The following VPS8 variants were observed in gnomAD, a reference collection of about 807,000 sequenced individuals.
VPS8 encodes VPS8 subunit of CORVET complex.
Under a neutral mutation model 216.4 loss-of-function variants are expected in VPS8, and 129 were observed. The observed-to-expected ratio is 0.60, with a 90% CI of 0.52 to 0.69. The LOEUF (loss-of-function observed/expected upper bound fraction) is 0.69. VPS8 is among the 30% of genes least tolerant of loss of function. The pLI is 0.00. For missense variants in VPS8, 1,531 were observed against 1,683.5 expected (o/e 0.91, Z 1.59); for synonymous variants, 571 against 565.4 (o/e 1.01, Z -0.14).
At chr3:184,965,239 C>T (rs1025520027) in intron 38 of VPS8, among the ~76,000 whole-genome samples, 3 of 152,272 alleles carry the variant, frequency 2.0e-5, no homozygotes, top group Admixed American at 6.5e-5. Flanking sequence ...ATTGGCTTCT[C>T]GTTTCTTTCT....
intron 45 of VPS8, among the ~76,000 whole-genome samples, chr3:185,023,710 G>A (rs1439554786): frequency 1.3e-5 from 2 of 152,012 alleles, no homozygotes; most frequent in African/African-American, 4.8e-5. Context: ...ATGGCATATT[G>A]TCGCCATCCT....
intron 8 of VPS8, among the ~76,000 whole-genome samples, chr3:184,843,700 T>C (rs1054946467): frequency 1.3e-5 from 2 of 152,234 alleles, no homozygotes; most frequent in African/African-American, 2.4e-5. Flanking sequence ...TTTCCTGTTA[T>C]ATTATGAACA....
chr3:184,989,197 A>T lies in VPS8; in HGVS notation c.3586-4786A>T, dbSNP rs1303837704. On this transcript the variant is annotated intron_variant, in intron 42 of 47. Coordinates refer to ENST00000625842, the MANE Select transcript of VPS8 (RefSeq NM_001009921.3). ...TTATCTTTGCCTTATTTTCTGTCTTAGAAGAAAGGCAGTTTCTCACCATTA... is the reference window on the plus strand; with the variant it reads ...TTATCTTTGCCTTATTTTCTGTCTTTGAAGAAAGGCAGTTTCTCACCATTA... 2.0e-5 allele frequency among the ~76,000 whole-genome samples: 3 copies of T among 152,328 alleles called. No homozygotes were observed. The East Asian group carries it at 5.8e-4, about 29-fold the overall frequency.
intron 25 of VPS8, among the ~76,000 whole-genome samples, chr3:184,912,751 G>A (rs893443939): frequency 6.6e-6 from 1 of 152,160 alleles, no homozygotes; most frequent in Non-Finnish European, 1.5e-5. Flanking sequence ...CAGATTTTGA[G>A]TATTTGTGAA....
At chr3:185,041,696 C>T (rs1157702894) in intron 46 of VPS8, among the ~76,000 whole-genome samples, 6 of 152,210 alleles carry the variant, frequency 3.9e-5, no homozygotes, top group Non-Finnish European at 7.3e-5. Flanking sequence ...CTTAATTGTG[C>T]TGTGCTGAAT....
chr3:184,977,109 C>T (rs1749399979), intron 40 of VPS8, among the ~76,000 whole-genome samples: 1 of 152,184 alleles, frequency 6.6e-6, no homozygotes, highest in Non-Finnish European at 1.5e-5. Context: ...CTTTCCTCCG[C>T]AGCGTTGTGA....
At chr3:184,842,887 A>G (rs1722447671) in intron 7 of VPS8, among the ~76,000 whole-genome samples, 1 of 152,084 alleles carries the variant, frequency 6.6e-6, no homozygotes, top group South Asian at 2.1e-4. Flanking sequence ...TTCAAATCTT[A>G]ATAAAGATGT....
intron 40 of VPS8, among the ~76,000 whole-genome samples, chr3:184,974,091 G>A (rs1447495444): frequency 6.6e-6 from 1 of 152,074 alleles, no homozygotes; most frequent in East Asian, 1.9e-4. Context: ...GAATTATATT[G>A]TAGTTCTGTT....
At chr3:185,000,337 G>A (rs937237441) in intron 45 of VPS8, among the ~76,000 whole-genome samples, 2 of 152,144 alleles carry the variant, frequency 1.3e-5, no homozygotes, top group Non-Finnish European at 2.9e-5. Flanking sequence ...GTATTTTACA[G>A]CCTTTTTTTA....
Position 184,824,572 on chromosome 3 carries a change from A to C in VPS8, c.-61A>C. 2 of 1,543,580 alleles carry C rather than the reference A, an allele frequency of 1.3e-6. No individual in the cohort carries two copies. The highest frequency in any genetic ancestry group is 8.8e-7 in the Non-Finnish European group (1 of 1,138,814). ...ATAATCATTCAGGTCTTCGTGAGCT[A>C]AGGCCAAACAAACAAAAAACACTTG... On this transcript the variant is annotated 5_prime_UTR_variant, in exon 2 of 48. It removes the in-frame stop codon of an upstream open reading frame in the 5' UTR. Coordinates refer to ENST00000625842, the MANE Select transcript of VPS8 (RefSeq NM_001009921.3).
At chr3:184,843,862 C>G (rs1402631831) in intron 8 of VPS8, among the ~76,000 whole-genome samples, 2 of 152,140 alleles carry the variant, frequency 1.3e-5, no homozygotes, top group Admixed American at 6.5e-5. Context: ...AGTAACATTA[C>G]AATGGCATGA....
intron 40 of VPS8, among the ~76,000 whole-genome samples, chr3:184,972,382 C>T (rs924666348): frequency 2.6e-5 from 4 of 152,172 alleles, no homozygotes; most frequent in East Asian, 1.9e-4. Flanking sequence ...CATTTATCAT[C>T]GTCTCTATTC....
Position 184,964,503 on chromosome 3 carries a change from T to C in VPS8, c.3219T>C (p.Ala1073=). The change falls in exon 38 of 48, where the codon GCT becomes GCC. Residue 1073 remains alanine (A), a synonymous_variant. Coordinates refer to ENST00000625842, the MANE Select transcript of VPS8 (RefSeq NM_001009921.3). ...TQKYQLHEVT[A]YLLEKKGDIH... is the part of the protein sequence containing the mutation. The stretch of plus-strand genomic sequence containing the variant: ...AGTATCAACTTCATGAAGTCACCGC[T>C]TATCTATTGGAAAAGAAAGGAGATA... 1 of 1,520,114 alleles carries C rather than the reference T, an allele frequency of 6.6e-7. No individual in the cohort carries two copies. Among genetic ancestry groups the C allele is most frequent in the Non-Finnish European group, 8.9e-7 (1 of 1,128,920 alleles). The allele number at this position is 1,520,114 out of a possible 1,614,324, so 94.2% of individuals were successfully genotyped here.
intron 46 of VPS8, among the ~76,000 whole-genome samples, chr3:185,038,193 A>G (rs2108492176): frequency 6.6e-6 from 1 of 152,330 alleles, no homozygotes; most frequent in African/African-American, 2.4e-5. Context: ...TTGTTTCTCA[A>G]GTAGGCGTAG....
chr3:184,977,329 A>G (rs1171599562), intron 40 of VPS8, among the ~76,000 whole-genome samples: 1 of 151,918 alleles, frequency 6.6e-6, no homozygotes, highest in African/African-American at 2.4e-5. Context: ...TTGTTGATGT[A>G]AGTTCCTTAT....
At chr3:184,965,777 C>T (rs1412609460) in intron 38 of VPS8, among the ~76,000 whole-genome samples, 2 of 152,118 alleles carry the variant, frequency 1.3e-5, no homozygotes, top group East Asian at 1.9e-4. Flanking sequence ...GCAGACAATA[C>T]TTGGGAGGCC....
intron 36 of VPS8, among the ~76,000 whole-genome samples, chr3:184,942,844 A>G (rs1210629379): frequency 6.6e-6 from 1 of 152,228 alleles, no homozygotes; most frequent in Admixed American, 6.5e-5. Flanking sequence ...TCTTTAACCC[A>G]CAGTGTAAAT....
At chr3:184,884,002 C>T (rs1387073322) in intron 21 of VPS8, among the ~76,000 whole-genome samples, 1 of 151,922 alleles carries the variant, frequency 6.6e-6, no homozygotes, top group Non-Finnish European at 1.5e-5. Context: ...GCTATTTTGC[C>T]TGTGTTTAGG....
chr3:184,920,311 G>A lies in VPS8; in HGVS notation c.2454+113G>A, dbSNP rs1409798670. 13 of 689,446 alleles carry A rather than the reference G, an allele frequency of 1.9e-5. No homozygotes were observed. The Middle Eastern group carries it at 1.3e-3, about 71-fold the overall frequency. 42.7% of individuals were successfully genotyped at this position (689,446 alleles called of 1,614,324 possible). On this transcript the variant is annotated intron_variant, in intron 29 of 47. Coordinates refer to ENST00000625842, the MANE Select transcript of VPS8 (RefSeq NM_001009921.3). ...TTAAGTGGTTTCTTGGAATCATATC[G>A]TAAAATTTTATTACGGTGTCTTTGT...
Sources: gnomAD v4.1 joint callset for allele counts (sites outside exome capture counted in the v4.1 genomes callset) on GRCh38, gnomAD v4.1.1 for gene constraint, MANE v1.5 for transcripts, NCBI Gene and HGNC (gene_info 2026-07-23, HGNC 2026-07-21) for gene names.